Variants in CCDC77 observed in about 807,000 individuals in gnomAD.
CCDC77 encodes coiled-coil domain containing 77, also known as coiled-coil domain-containing protein 77.
Under a neutral mutation model 66.8 loss-of-function variants are expected in CCDC77, and 56 were observed. The ratio of observed to expected loss-of-function variants is 0.84; its 90% CI spans 0.68 to 1.05. The LOEUF (loss-of-function observed/expected upper bound fraction) is 1.05. CCDC77 is among the 50% of genes least tolerant of loss of function. CCDC77 has a pLI of 0.00. For missense variants in CCDC77, 570 were observed against 576.8 expected (o/e 0.99, Z 0.12); for synonymous variants, 196 against 195.2 (o/e 1.00, Z -0.03).
intron 1 of CCDC77, among the ~76,000 whole-genome samples, chr12:402,846 G>A (rs1028618299): frequency 3.3e-5 from 5 of 152,218 alleles, no homozygotes; most frequent in Non-Finnish European, 5.9e-5. Flanking sequence ...AGAAGAATGA[G>A]TGATCAAATG....
chr12:416,735 C>T (rs567502581), intron 4 of CCDC77, among the ~76,000 whole-genome samples: 12 of 151,862 alleles, frequency 7.9e-5, no homozygotes, highest in Non-Finnish European at 1.5e-4. Flanking sequence ...AAAACCAAAA[C>T]TCCATCCCAT....
chr12:438,119 G>A (rs2137620394), intron 9 of CCDC77, among the ~76,000 whole-genome samples: 1 of 152,272 alleles, frequency 6.6e-6, no homozygotes, highest in South Asian at 2.1e-4. Context: ...GTAAAGACCA[G>A]TCTATGAACC....
chr12:433,471 A>G, intron 9 of CCDC77, 149 bp downstream of exon 9: 2 of 1,427,998 alleles, frequency 1.4e-6, no homozygotes, highest in Non-Finnish European at 1.8e-6. Context: ...GCCTCTACGT[A>G]GGTGAGTACC....
intron 9 of CCDC77, among the ~76,000 whole-genome samples, chr12:437,458 G>C (rs2137619038): frequency 6.6e-6 from 1 of 152,232 alleles, no homozygotes; most frequent in East Asian, 1.9e-4. Context: ...TAAGACAAGG[G>C]AACATTAACC....
chr12:427,922 A>G (rs1186840598), intron 5 of CCDC77, among the ~76,000 whole-genome samples: 2 of 152,172 alleles, frequency 1.3e-5, no homozygotes, highest in African/African-American at 2.4e-5. Flanking sequence ...ATTCAGTTGC[A>G]GCAGGCCTCG....
At chr12:402,435 A>AG (rs1565562301) in intron 1 of CCDC77, among the ~76,000 whole-genome samples, 1 of 152,204 alleles carries the variant, frequency 6.6e-6, no homozygotes, top group Non-Finnish European at 1.5e-5. Context: ...ATTTAAGATG[A>AG]GTTTTCATGT....
At chr12:410,895 C>T (rs766388098) in intron 3 of CCDC77, among the ~76,000 whole-genome samples, 32 of 152,156 alleles carry the variant, frequency 2.1e-4, no homozygotes, top group Admixed American at 7.9e-4. Flanking sequence ...TACATGGTCT[C>T]CCTTAGTTTA....
chr12:410,826 A>G (rs553716422), intron 3 of CCDC77, among the ~76,000 whole-genome samples: 60 of 152,296 alleles, frequency 3.9e-4, no homozygotes, highest in Non-Finnish European at 6.9e-4. Flanking sequence ...GATTACAGGC[A>G]TGAGCCACTG....
intron 3 of CCDC77, among the ~76,000 whole-genome samples, chr12:410,945 A>G (rs1474770554): frequency 6.6e-6 from 1 of 151,236 alleles, no homozygotes; most frequent in African/African-American, 2.4e-5. Context: ...TCTCTAATGG[A>G]TTTTATTTTT....
chr12:423,090 T>A, intron 5 of CCDC77, among the ~76,000 whole-genome samples: 1 of 141,544 alleles, frequency 7.1e-6, no homozygotes, highest in South Asian at 2.4e-4. Context: ...ATACCTGTTA[T>A]TTTCTTTTTT....
chr12:423,571 C>T (rs1387324925), intron 5 of CCDC77, among the ~76,000 whole-genome samples: 2 of 145,706 alleles, frequency 1.4e-5, no homozygotes, highest in African/African-American at 5.1e-5. Flanking sequence ...TCACAGCTCA[C>T]TGCAGCCTCA....
At chr12:416,398 T>C (rs1945280846) in intron 4 of CCDC77, among the ~76,000 whole-genome samples, 1 of 57,494 alleles carries the variant, frequency 1.7e-5, no homozygotes, top group South Asian at 1.0e-3. Context: ...TATATATATA[T>C]ATATATATAT....
chr12:391,833 A>G (rs1016296477), intron 1 of CCDC77, among the ~76,000 whole-genome samples: 4 of 152,246 alleles, frequency 2.6e-5, no homozygotes, highest in African/African-American at 9.6e-5. Flanking sequence ...TTACAACAGC[A>G]GGAAGTCTGT....
intron 3 of CCDC77, 194 bp downstream of exon 3, chr12:409,615 C>G (rs1444774769): frequency 6.8e-6 from 4 of 588,036 alleles, no homozygotes; most frequent in South Asian, 4.1e-5. Context: ...CTCCTGCACT[C>G]AAGCAATCCT....
rs201951124 is a variant in CCDC77, at chr12:440,886, A to G, written c.1210A>G (p.Lys404Glu). 293 of 1,613,758 alleles carry G rather than the reference A, an allele frequency of 1.8e-4. 1 individual carries two copies. Among genetic ancestry groups the G allele is most frequent in the Non-Finnish European group, 3.0e-5 (35 of 1,180,036 alleles). Residue 404 changes from lysine (K) to glutamate (E), a missense_variant, in exon 12 of 13, where the codon AAA becomes GAA. Transcript: ENST00000239830. ...KMGKRLQIMT[K>E]RYEALERRRI... ...GGGGAAGCGTTTACAGATAATGACA[A>G]AACGCTATGAGGCATTGGAGCGTCG... is the stretch of plus-strand genomic sequence containing the variant.
At position 407,395 on chromosome 12, in the gene CCDC77, AG is replaced by A. The variant is rs1244540126; in HGVS notation, c.-17+1833del. Among the ~76,000 whole-genome samples, 4 of 152,248 alleles carry A rather than the reference AG, an allele frequency of 2.6e-5. No individual in the cohort carries two copies. The East Asian group carries it at 7.7e-4, about 29-fold the overall frequency. The stretch of plus-strand genomic sequence containing the variant: ...GAGAAGAGCAGGTTTTTGTGGTGGG[AG>A]GTATGTATCAGGAGCTCAGTTTTAT... On this transcript the variant is annotated intron_variant, in intron 2 of 12. Transcript: ENST00000239830.
At chr12:391,721 CTATTT>C (rs1245957022) in intron 1 of CCDC77, among the ~76,000 whole-genome samples, 14 of 152,220 alleles carry the variant, frequency 9.2e-5, no homozygotes, top group Middle Eastern at 6.8e-3. Context: ...TTATACTTAC[CTATTT>C]TATTTTAAAC....
chr12:418,964 G>A (rs1945339999), intron 5 of CCDC77: 2 of 240,208 alleles, frequency 8.3e-6, no homozygotes, highest in Admixed American at 5.1e-5. Context: ...CTCCCGAAGT[G>A]TTGGGATTAC....
At chr12:390,485 C>T (rs143901089) in intron 1 of CCDC77, among the ~76,000 whole-genome samples, 1 of 152,302 alleles carries the variant, frequency 6.6e-6, no homozygotes, top group Non-Finnish European at 1.5e-5. Flanking sequence ...AGTAACAAAT[C>T]AGGGGACTTT....
Sources: allele counts gnomAD v4.1 joint callset (sites outside exome capture counted in the v4.1 genomes callset), GRCh38; gene constraint gnomAD v4.1.1; transcripts MANE v1.5; gene names NCBI Gene and HGNC (gene_info 2026-07-23, HGNC 2026-07-21).